The following GON4L variants were observed in gnomAD, a reference collection of about 807,000 sequenced individuals.
GON4L encodes the protein GON-4-like protein.
Under a neutral mutation model 211.8 loss-of-function variants are expected in GON4L, and 87 were observed. That is an observed-to-expected ratio of 0.41 (90% CI 0.35 to 0.49). GON4L has a LOEUF of 0.49. Among genes scored for constraint, GON4L ranks in the 20% least tolerant of loss-of-function variants. The pLI is 0.15. For missense variants in GON4L, 2,155 were observed against 2,659.5 expected, an observed-to-expected ratio of 0.81 and a Z score of 4.17; for synonymous variants, 875 against 962.6, an observed-to-expected ratio of 0.91 and a Z score of 1.68.
downstream of GON4L, chr1:155,748,858 G>A (rs767107010): frequency 1.4e-5 from 20 of 1,451,698 alleles, no homozygotes; most frequent in Admixed American, 1.1e-4. Flanking sequence ...CTAATTTCTC[G>A]GGCATTCTAA....
chr1:155,825,978 G>T (rs1241869745), intron 3 of GON4L, among the ~76,000 whole-genome samples: 1 of 152,108 alleles, frequency 6.6e-6, no homozygotes, highest in Non-Finnish European at 1.5e-5. Flanking sequence ...GGGAGGCGGA[G>T]GTTGCAGTGA....
intron 20 of GON4L, 61 bp from the exon 21 acceptor site, chr1:155,766,770 GC>G: frequency 6.2e-7 from 1 of 1,607,410 alleles, no homozygotes; most frequent in Non-Finnish European, 8.5e-7. Context: ...AAGAGGCTTG[GC>G]ACAGTGGCTC....
chr1:155,825,558 C>G (rs1286218894), intron 3 of GON4L, among the ~76,000 whole-genome samples: 1 of 127,278 alleles, frequency 7.9e-6, no homozygotes, highest in Non-Finnish European at 1.6e-5. Flanking sequence ...GGTGACAGAG[C>G]AAGACTCTGT....
chr1:155,782,394 G>A (rs985762025), intron 14 of GON4L, among the ~76,000 whole-genome samples: 5 of 152,114 alleles, frequency 3.3e-5, no homozygotes, highest in Non-Finnish European at 5.9e-5. Context: ...TTACCATTGT[G>A]TTACAACTGC....
At chr1:155,806,325 G>T (rs1273006927) in intron 10 of GON4L, among the ~76,000 whole-genome samples, 1 of 151,646 alleles carries the variant, frequency 6.6e-6, no homozygotes, top group African/African-American at 2.4e-5. Flanking sequence ...GCAAATTTTT[G>T]TATTTTTAGT....
In GON4L at chr1:155,765,330, C is replaced by T. The variant is rs772281081; in HGVS notation, c.4143G>A (p.Glu1381=). 4 of 1,614,230 alleles carry T rather than the reference C, an allele frequency of 2.5e-6. No homozygotes were observed. Among genetic ancestry groups the T allele is most frequent in the Admixed American group, 1.7e-5 (1 of 60,022 alleles). ...VTKQTVLQKE[E]ERSQPTKTPS... ...GGGTTTTAGTTGGCTGACTCCTCTC[C>T]TCTTCCTTCTGTAAGACTGTCTGTT... The change falls in exon 21 of 32, where the codon GAG becomes GAA. Residue 1381 remains glutamate (E), a synonymous_variant. Transcript: ENST00000368331.
At chr1:155,809,789 CTT>C (rs10587822) in intron 10 of GON4L, among the ~76,000 whole-genome samples, 3,186 of 51,544 alleles carry the variant, frequency 0.062, 606 homozygotes, top group East Asian at 0.37. Flanking sequence ...AAATTATATA[CTT>C]ATATATAATT....
chr1:155,747,839 A>C, downstream of GON4L: 1 of 1,597,316 alleles, frequency 6.3e-7, no homozygotes, highest in African/African-American at 1.3e-5. Context: ...TACAAGATGA[A>C]TATTCAGGGC....
At chr1:155,751,440 G>C (rs915064676) in intron 31 of GON4L, among the ~76,000 whole-genome samples, 1 of 152,086 alleles carries the variant, frequency 6.6e-6, no homozygotes, top group African/African-American at 2.4e-5. Flanking sequence ...CAGCTACTTT[G>C]GGAGAGGCTG....
Position 155,761,294 on chromosome 1 carries a change from C to A in GON4L, c.4912-653G>T, listed in dbSNP as rs4528108. Among the ~76,000 whole-genome samples the A allele has an allele frequency of 2.5e-3, 376 of 151,022 alleles. 5 individuals carry two copies. In the East Asian group the frequency reaches 0.047, roughly 19 times the overall value. On this transcript the variant is annotated intron_variant, in intron 23 of 31. Transcript: ENST00000368331. ...CACCTGGGCCCAAGTGATCCTCCCA[C>A]CTCAGACTCCCAAAGTACCTAGGAC...
At chr1:155,754,038 T>C in intron 28 of GON4L, 1 of 372,852 alleles carries the variant, frequency 2.7e-6, no homozygotes, top group Non-Finnish European at 5.1e-6. Flanking sequence ...AACTGTGTTT[T>C]TCCTGCCAAC....
intron 11 of GON4L, 152 bp from the exon 12 acceptor site, chr1:155,795,303 T>C: frequency 1.5e-6 from 1 of 651,758 alleles, no homozygotes; most frequent in Non-Finnish European, 2.8e-6. Flanking sequence ...CTCAGCTCAC[T>C]GCAACCTCCA....
intron 10 of GON4L, among the ~76,000 whole-genome samples, chr1:155,808,751 G>A (rs1292062332): frequency 6.6e-6 from 1 of 151,936 alleles, no homozygotes; most frequent in African/African-American, 2.4e-5. Context: ...TGAGGCTACA[G>A]GTGTGTAACA....
chr1:155,757,683 GACA>G (rs1661340019), intron 25 of GON4L, among the ~76,000 whole-genome samples: 1 of 132,890 alleles, frequency 7.5e-6, no homozygotes, highest in Non-Finnish European at 1.6e-5. Flanking sequence ...GTGAAGATCA[GACA>G]GGCTCCGGTT....
chr1:155,802,220 A>G (rs141531526), intron 11 of GON4L, among the ~76,000 whole-genome samples: 20 of 151,774 alleles, frequency 1.3e-4, no homozygotes, highest in Non-Finnish European at 2.5e-4. Flanking sequence ...CTGGTAGGAA[A>G]ATGAAGTGCC....
At chr1:155,775,679 G>A (rs150084577) in intron 16 of GON4L, among the ~76,000 whole-genome samples, 242 of 152,110 alleles carry the variant, frequency 1.6e-3, no homozygotes, top group Middle Eastern at 6.8e-3. Context: ...AGCTGTTCTC[G>A]AACTCCTGAC....
chr1:155,818,568 A>C (rs185363404), intron 6 of GON4L, among the ~76,000 whole-genome samples: 1 of 152,234 alleles, frequency 6.6e-6, no homozygotes, highest in South Asian at 2.1e-4. Context: ...GACCAAAAAA[A>C]GTGATGTGAT....
chr1:155,753,143 T>C, intron 29 of GON4L, 61 bp downstream of exon 29: 2 of 1,286,766 alleles, frequency 1.6e-6, no homozygotes, highest in Non-Finnish European at 2.3e-6. Context: ...TGGAGGTTCC[T>C]GTCTGGAGTA....
At chr1:155,767,608 G>C in intron 19 of GON4L, 67 bp from the exon 20 acceptor site, 1 of 1,481,102 alleles carries the variant, frequency 6.8e-7, no homozygotes, top group East Asian at 2.3e-5. Context: ...TCAGGCTGGT[G>C]AATGGGGTGG....
Sources: gnomAD v4.1 joint callset for allele counts (sites outside exome capture counted in the v4.1 genomes callset) on GRCh38, gnomAD v4.1.1 for gene constraint, MANE v1.5 for transcripts, NCBI Gene and HGNC (gene_info 2026-07-23, HGNC 2026-07-21) for gene names.